Variants in TTC28 observed in about 807,000 individuals in gnomAD.
TTC28 encodes tetratricopeptide repeat protein 28.
A neutral mutation model predicts 198.0 loss-of-function variants in TTC28; 61 were observed. That is an observed-to-expected ratio of 0.31 (90% CI 0.25 to 0.38). The LOEUF is 0.38. Ranked by LOEUF, TTC28 falls within the 10% of genes least tolerant of loss-of-function variation. The pLI is 1.00. For synonymous variants in TTC28, 1,171 were observed against 1,297.8 expected (o/e 0.90, Z 2.10); for missense variants, 2,678 against 3,164.0 (o/e 0.85, Z 3.69).
chr22:28,108,412 G>A lies in TTC28; in HGVS notation c.1442-9C>T. ...CATCTGGTGTATGATTCCTGAGAAA[G>A]AGAATAAAAGAACAGACTAAGACTG... On this transcript the variant is annotated splice_polypyrimidine_tract_variant and intron_variant, in intron 6 of 22. Coordinates refer to ENST00000397906, the MANE Select transcript of TTC28 (RefSeq NM_001145418.2). The A allele has an allele frequency of 7.0e-7, 1 of 1,433,646 alleles. No homozygotes were observed. Among genetic ancestry groups the A allele is most frequent in the Non-Finnish European group, 9.2e-7 (1 of 1,089,944 alleles). 88.8% of individuals were successfully genotyped at this position (1,433,646 alleles called of 1,614,324 possible). A position where few individuals can be genotyped will look rare whatever the true frequency, so the allele number is the denominator to read the frequency against.
chr22:28,092,034 G>T (rs561141105), intron 12 of TTC28, among the ~76,000 whole-genome samples: 1 of 152,276 alleles, frequency 6.6e-6, no homozygotes, highest in African/African-American at 2.4e-5. Flanking sequence ...GCCCTTGGTG[G>T]AGAAGATCTC....
At chr22:28,415,955 A>G (rs2047161967) in intron 2 of TTC28, among the ~76,000 whole-genome samples, 1 of 152,226 alleles carries the variant, frequency 6.6e-6, no homozygotes. Context: ...AACCTTCAAT[A>G]AAAAGTTTCA....
chr22:28,460,397 ACTC>A (rs2047930152), intron 2 of TTC28, among the ~76,000 whole-genome samples: 1 of 151,818 alleles, frequency 6.6e-6, no homozygotes, highest in Non-Finnish European at 1.5e-5. Flanking sequence ...CACCAGTCCT[ACTC>A]CTCTTTTTCA....
chr22:28,114,238 C>T (rs956151209), intron 6 of TTC28, among the ~76,000 whole-genome samples: 1 of 151,078 alleles, frequency 6.6e-6, no homozygotes, highest in African/African-American at 2.4e-5. Context: ...TCCTCCCAAT[C>T]CTCCTCCTCA....
chr22:28,247,094 T>C (rs1930160568), intron 5 of TTC28, among the ~76,000 whole-genome samples: 1 of 152,196 alleles, frequency 6.6e-6, no homozygotes, highest in South Asian at 2.1e-4. Flanking sequence ...ATACGTGGCA[T>C]TCTTTCTAAG....
At chr22:28,092,199 A>C (rs1323332611) in intron 12 of TTC28, among the ~76,000 whole-genome samples, 1 of 152,194 alleles carries the variant, frequency 6.6e-6, no homozygotes, top group Non-Finnish European at 1.5e-5. Context: ...AGCTTGGTTA[A>C]TGAAAGTTCG....
At chr22:28,497,302 A>T (rs1012734728) in intron 2 of TTC28, among the ~76,000 whole-genome samples, 2 of 152,232 alleles carry the variant, frequency 1.3e-5, no homozygotes, top group African/African-American at 2.4e-5. Context: ...ATAGAAAACT[A>T]AACAAATACA....
rs541091025 is a variant in TTC28 at position 28,439,725 on chromosome 22, A to G, written c.382-133082T>C. Among the ~76,000 whole-genome samples, 11 of 152,354 alleles carry G rather than the reference A, an allele frequency of 7.2e-5. No individual in the cohort carries two copies. In the South Asian group the frequency reaches 2.1e-3, roughly 29 times the overall value. The stretch of plus-strand genomic sequence containing the variant: ...AGTGCTTTTAAAATTATAGCTGTTT[A>G]TTTGTATGATATTAAATGCCATTCT... On this transcript the variant is annotated intron_variant, in intron 2 of 22. Transcript: ENST00000397906.
At chr22:28,041,444 C>G (rs1330894448) in intron 12 of TTC28, among the ~76,000 whole-genome samples, 1 of 152,182 alleles carries the variant, frequency 6.6e-6, no homozygotes, top group Non-Finnish European at 1.5e-5. Context: ...CTACAACCAT[C>G]TGATCTTTGG....
chr22:28,254,623 C>G (rs1930757511), intron 5 of TTC28, among the ~76,000 whole-genome samples: 1 of 151,910 alleles, frequency 6.6e-6, no homozygotes, highest in African/African-American at 2.4e-5. Flanking sequence ...TCAACAGTGA[C>G]TAAAGCTTAG....
At chr22:28,458,081 T>C (rs545626898) in intron 2 of TTC28, among the ~76,000 whole-genome samples, 5 of 152,288 alleles carry the variant, frequency 3.3e-5, no homozygotes, top group East Asian at 1.9e-4. Flanking sequence ...ATGGAACTCT[T>C]ATTTTTTCTA....
At chr22:28,168,767 G>C (rs1922315517) in intron 5 of TTC28, among the ~76,000 whole-genome samples, 1 of 152,196 alleles carries the variant, frequency 6.6e-6, no homozygotes. Context: ...CATGGCCAAG[G>C]ACTTCGTGTC....
chr22:28,630,087 C>A (rs992587238), intron 1 of TTC28, among the ~76,000 whole-genome samples: 1 of 152,036 alleles, frequency 6.6e-6, no homozygotes, highest in African/African-American at 2.4e-5. Flanking sequence ...CTGCCACTAG[C>A]CCCTCTCTCT....
intron 1 of TTC28, among the ~76,000 whole-genome samples, chr22:28,655,276 A>G (rs952437697): frequency 6.6e-5 from 10 of 152,204 alleles, no homozygotes; most frequent in Non-Finnish European, 1.3e-4. Flanking sequence ...GTATATCAAC[A>G]TATCTTAGAA....
chr22:28,012,401 G>T (rs1482682192), intron 14 of TTC28, among the ~76,000 whole-genome samples: 1 of 152,218 alleles, frequency 6.6e-6, no homozygotes, highest in Non-Finnish European at 1.5e-5. Context: ...CACAGGGAAG[G>T]CTTGGAGGGA....
chr22:28,347,194 G>A (rs1434406263), intron 2 of TTC28, among the ~76,000 whole-genome samples: 2 of 151,380 alleles, frequency 1.3e-5, no homozygotes, highest in Non-Finnish European at 2.9e-5. Context: ...AACCCAGGAG[G>A]TGGAGGTTGC....
chr22:28,558,544 G>A (rs951964900), intron 2 of TTC28, among the ~76,000 whole-genome samples: 1 of 151,922 alleles, frequency 6.6e-6, no homozygotes, highest in Admixed American at 6.6e-5. Flanking sequence ...GCATGGTGGC[G>A]CATGCCTGTA....
intron 2 of TTC28, among the ~76,000 whole-genome samples, chr22:28,503,540 C>T (rs2048564552): frequency 6.6e-6 from 1 of 152,040 alleles, no homozygotes; most frequent in African/African-American, 2.4e-5. Flanking sequence ...GTTTCTGTAG[C>T]TATAAAAAGA....
At position 28,297,588 on chromosome 22, in the gene TTC28, T is replaced by G. The variant is rs746087931; in HGVS notation, c.794A>C (p.Lys265Thr). The G allele has an allele frequency of 5.3e-5, 82 of 1,551,116 alleles. No individual in the cohort carries two copies. The Middle Eastern group carries it at 1.0e-3, about 19-fold the overall frequency. Reference protein sequence around the residue: ...GYMQQDLDVAKTLGDQTGECR... With the variant: ...GYMQQDLDVATTLGDQTGECR... ...GAGAAGCATCACTCTACCTAAGGTC[T>G]TGGCTACATCCAAGTCCTGCTGCAT... is the stretch of plus-strand genomic sequence containing the variant. Residue 265 changes from lysine to threonine, a missense_variant, in exon 4 of 23, where the codon AAG becomes ACG. This residue lies in a region of TTC28 where 775 missense variants were observed against 845.9 expected (regional missense o/e 0.92). Coordinates refer to ENST00000397906, the MANE Select transcript of TTC28 (RefSeq NM_001145418.2).
Sources: allele counts gnomAD v4.1 joint callset (sites outside exome capture counted in the v4.1 genomes callset), GRCh38; gene constraint gnomAD v4.1.1; regional missense constraint gnomAD v4.1.1; transcripts MANE v1.5; gene names NCBI Gene and HGNC (gene_info 2026-07-23, HGNC 2026-07-21).